SLC6A12: variants seen among roughly 807,000 people sequenced by gnomAD.
SLC6A12 encodes the protein sodium- and chloride-dependent betaine transporter.
Under a neutral mutation model 73.3 loss-of-function variants are expected in SLC6A12, and 50 were observed. The observed-to-expected ratio is 0.68, with a 90% CI of 0.54 to 0.86. The LOEUF (loss-of-function observed/expected upper bound fraction) is 0.86, where lower values mean the gene tolerates loss of function less well. Ranked by LOEUF, SLC6A12 falls within the 40% of genes least tolerant of loss-of-function variation. The pLI, the probability that SLC6A12 is intolerant of heterozygous loss-of-function variation, is 0.00. For synonymous variants in SLC6A12, 304 were observed against 309.2 expected (o/e 0.98, Z 0.18); for missense variants, 648 against 772.8 (o/e 0.84, Z 1.92).
chr12:185,679 G>A (rs936130730), downstream of SLC6A12, among the ~76,000 whole-genome samples: 1 of 152,218 alleles, frequency 6.6e-6, no homozygotes, highest in South Asian at 2.1e-4. Flanking sequence ...CTGGCAACTT[G>A]CACTCGCCTC....
chr12:202,637 G>A (rs1940333908), intron 5 of SLC6A12, 103 bp downstream of exon 5: 13 of 1,252,926 alleles, frequency 1.0e-5, no homozygotes, highest in Non-Finnish European at 1.3e-5. Flanking sequence ...TGGCTGCCAG[G>A]CAGGTTCTGC....
the SLC6A12 span, among the ~76,000 whole-genome samples, chr12:184,949 T>C: frequency 6.1e-4 from 92 of 150,412 alleles, 1 homozygote; most frequent in African/African-American, 2.1e-3. Flanking sequence ...AAAAAAATCA[T>C]CAGCCGTCAT....
downstream of SLC6A12, among the ~76,000 whole-genome samples, chr12:187,843 G>C (rs574841900): frequency 3.3e-5 from 5 of 152,102 alleles, no homozygotes; most frequent in African/African-American, 9.7e-5. Flanking sequence ...GCCTGAGCTA[G>C]ACACAAAGGT....
At chr12:205,257 G>A (rs1940570101) in intron 3 of SLC6A12, among the ~76,000 whole-genome samples, 1 of 152,032 alleles carries the variant, frequency 6.6e-6, no homozygotes, top group Non-Finnish European at 1.5e-5. Flanking sequence ...ACATCCAGCA[G>A]GTTACACAGG....
chr12:186,803 GGAGA>G (rs145415324), downstream of SLC6A12, among the ~76,000 whole-genome samples: 1 of 152,198 alleles, frequency 6.6e-6, no homozygotes, highest in Admixed American at 6.5e-5. Context: ...TGTCCAGGTG[GGAGA>G]GAGACTTGAC....
At chr12:187,647 G>T (rs573443401), downstream of SLC6A12, among the ~76,000 whole-genome samples, 10 of 122,382 alleles carry the variant, frequency 8.2e-5, no homozygotes, top group South Asian at 2.6e-3. Context: ...CACACACACA[G>T]CACCCACTGC....
At chr12:187,621 AAAAAAAAAAACAAAC>A (rs1939458656), downstream of SLC6A12, among the ~76,000 whole-genome samples, 3 of 54,064 alleles carry the variant, frequency 5.5e-5, no homozygotes, top group Admixed American at 1.7e-4. Context: ...AAAAAAAAAA[AAAAAAAAAAACAAAC>A]CACACACACA....
At chr12:186,784 TC>T (rs1042743123), downstream of SLC6A12, among the ~76,000 whole-genome samples, 1 of 152,178 alleles carries the variant, frequency 6.6e-6, no homozygotes, top group Non-Finnish European at 1.5e-5. Context: ...CTACCCTTCT[TC>T]GGGAGAATGT....
intron 2 of SLC6A12, 64 bp from the exon 3 acceptor site, chr12:210,107 T>C (rs1192953997): frequency 6.8e-7 from 1 of 1,468,442 alleles, no homozygotes. Context: ...TGCTTTCCCA[T>C]CCCGATCTCC....
chr12:204,501 A>C lies in SLC6A12; in HGVS notation c.349+63T>G, dbSNP rs1251430764. On this transcript the variant is annotated intron_variant, in intron 4 of 15. Transcript: ENST00000684302. ...GCAGCGGATGGGTAGGCAGGGAGAG[A>C]CCATGGGGGGATGCAGGCAAGATGG... The C allele has an allele frequency of 2.0e-6, 3 of 1,507,922 alleles. No homozygotes were observed. In the Admixed American group the frequency reaches 5.0e-5, roughly 25 times the overall value. The allele number at this position is 1,507,922 out of a possible 1,614,324, so 93.4% of individuals were successfully genotyped here. A position where few individuals can be genotyped will look rare whatever the true frequency, so the allele number is the denominator to read the frequency against.
Position 196,126 on chromosome 12 carries a change from C to T in SLC6A12, c.1324G>A (p.Glu442Lys), listed in dbSNP as rs1291466688. 4.5e-6 allele frequency: 7 copies of T among 1,557,022 alleles called. No individual in the cohort carries two copies. Among genetic ancestry groups the T allele is most frequent in the Middle Eastern group, 1.9e-4 (1 of 5,228 alleles). The change falls in exon 12 of 16, where the codon GAG (glutamate) becomes AAG (lysine). Residue 442 changes from glutamate to lysine, a missense_variant and splice_region_variant. Glu to Lys is a moderately conservative substitution (Grantham distance 56). Coordinates refer to ENST00000684302, the MANE Select transcript of SLC6A12 (RefSeq NM_001122848.3). ...GCAGGCCGGCGGCCGCAGCTCACCT[C>T]GGTGACCAGGAAAAGCCCTATCAGG... ...CYLIGLFLVT[E>K]GGMYIFQLFD...
chr12:202,693 G>A (rs555595520), intron 5 of SLC6A12, 47 bp downstream of exon 5: 1 of 1,589,638 alleles, frequency 6.3e-7, no homozygotes, highest in Admixed American at 1.7e-5. Flanking sequence ...AGCCACCGCA[G>A]CCCAGCCCCT....
At chr12:195,737 A>G (rs954414303) in intron 12 of SLC6A12, among the ~76,000 whole-genome samples, 3 of 152,134 alleles carry the variant, frequency 2.0e-5, no homozygotes, top group East Asian at 1.9e-4. Flanking sequence ...GTAACAGGTA[A>G]GCCTGAAGCC....
intron 2 of SLC6A12, chr12:210,479 G>C (rs952216550): frequency 2.4e-5 from 20 of 820,502 alleles, no homozygotes; most frequent in Admixed American, 1.0e-4. Flanking sequence ...AGGTGTGGCC[G>C]AAGTGACTGC....
At chr12:211,870 A>G (rs1940915596) in intron 2 of SLC6A12, among the ~76,000 whole-genome samples, 156 bp downstream of exon 2, 1 of 152,234 alleles carries the variant, frequency 6.6e-6, no homozygotes, top group Non-Finnish European at 1.5e-5. Flanking sequence ...CTTTCTACGT[A>G]TTATTGAAGT....
chr12:191,593 T>TTAC (rs375674623), intron 15 of SLC6A12, among the ~76,000 whole-genome samples: 2 of 22,842 alleles, frequency 8.8e-5, no homozygotes, highest in African/African-American at 4.7e-4. Context: ...GTCATTATTG[T>TTAC]TATTACTATT....
chr12:188,812 G>C (rs1189448779), downstream of SLC6A12, among the ~76,000 whole-genome samples: 1 of 152,208 alleles, frequency 6.6e-6, no homozygotes, highest in Non-Finnish European at 1.5e-5. Flanking sequence ...TTATGGCTGG[G>C]TCCCTGTGAG....
chr12:202,892 G>C lies in SLC6A12; in HGVS notation c.350-12C>G, dbSNP rs1168090804. 1 of 1,612,752 alleles carries C rather than the reference G, an allele frequency of 6.2e-7. No homozygotes were observed. Among genetic ancestry groups the C allele is most frequent in the African/African-American group, 1.3e-5 (1 of 74,944 alleles). The stretch of plus-strand genomic sequence containing the variant: ...TGCCAGACCAATGCCTTCCAGAGTG[G>C]GGGAGAGATGGGGAGGGACAAGAGA... On this transcript the variant is annotated splice_polypyrimidine_tract_variant and intron_variant, in intron 4 of 15. Transcript: ENST00000684302.
chr12:185,529 T>C (rs900910192), downstream of SLC6A12, among the ~76,000 whole-genome samples: 3 of 152,180 alleles, frequency 2.0e-5, no homozygotes, highest in African/African-American at 7.2e-5. Context: ...AGAAAAAGCC[T>C]CAGAATGTGA....
Sources: allele counts gnomAD v4.1 joint callset (sites outside exome capture counted in the v4.1 genomes callset), GRCh38; gene constraint gnomAD v4.1.1; transcripts MANE v1.5; gene names NCBI Gene and HGNC (gene_info 2026-07-23, HGNC 2026-07-21).